Variants in DPP10 observed in about 807,000 individuals in gnomAD.
DPP10 encodes inactive dipeptidyl peptidase 10.
Under a neutral mutation model 120.9 loss-of-function variants are expected in DPP10, and 33 were observed. The ratio of observed to expected loss-of-function variants is 0.27; its 90% CI spans 0.21 to 0.37. The LOEUF is 0.37. Ranked by LOEUF, DPP10 falls within the 10% of genes least tolerant of loss-of-function variation. The pLI is 1.00. For synonymous variants in DPP10, 337 were observed against 326.1 expected (o/e 1.03, Z -0.36); for missense variants, 816 against 942.8 (o/e 0.87, Z 1.76).
chr2:115,738,925 G>T (rs1237339848), intron 8 of DPP10, among the ~76,000 whole-genome samples: 1 of 152,072 alleles, frequency 6.6e-6, no homozygotes, highest in Non-Finnish European at 1.5e-5. Flanking sequence ...TGAGGTTAAG[G>T]GGTAGGAAAA....
At chr2:114,459,556 A>C (rs747771379) in intron 1 of DPP10, among the ~76,000 whole-genome samples, 6 of 152,152 alleles carry the variant, frequency 3.9e-5, no homozygotes, top group Non-Finnish European at 7.4e-5. Flanking sequence ...ATACATGCAA[A>C]GCTGATGGGG....
At chr2:115,766,153 C>T (rs941898074) in intron 12 of DPP10, among the ~76,000 whole-genome samples, 3 of 151,502 alleles carry the variant, frequency 2.0e-5, no homozygotes, top group African/African-American at 7.3e-5. Flanking sequence ...TACATACATA[C>T]ATACATAAGT....
At position 114,899,840 on chromosome 2, in the gene DPP10, G is replaced by A. The variant is rs1374009520; in HGVS notation, c.61-409399G>A. Among the ~76,000 whole-genome samples the A allele has an allele frequency of 2.0e-5, 3 of 152,240 alleles. No individual in the cohort carries two copies. In the East Asian group the frequency reaches 5.8e-4, roughly 30 times the overall value. On this transcript the variant is annotated intron_variant, in intron 1 of 25. Coordinates refer to ENST00000410059, the MANE Select transcript of DPP10 (RefSeq NM_020868.6). ...CCGGGCTTGGTGGCGGGTGCCTGTG[G>A]TCCCAGCTACTCGGGAGGCTGAGGC...
rs551543092 is a variant in DPP10 at position 115,607,163 on chromosome 2, G to A, written c.441+81191G>A. Among the ~76,000 whole-genome samples, 42 of 152,192 alleles carry A rather than the reference G, an allele frequency of 2.8e-4. No individual in the cohort carries two copies. In the East Asian group the frequency reaches 6.4e-3, roughly 23 times the overall value. ...TTATGACTTTGTACGAATCCCTTAC[G>A]CTGTCTTAATAACTTGGATACTGAT... On this transcript the variant is annotated intron_variant, in intron 5 of 25. Transcript: ENST00000410059.
chr2:114,956,359 T>TA (rs753407989), intron 1 of DPP10, among the ~76,000 whole-genome samples: 64 of 140,858 alleles, frequency 4.5e-4, no homozygotes, highest in Non-Finnish European at 8.1e-4. Context: ...AAGAATAAAT[T>TA]TAAAAAAAAA....
At chr2:115,786,848 G>A (rs1211697972) in intron 17 of DPP10, among the ~76,000 whole-genome samples, 3 of 152,212 alleles carry the variant, frequency 2.0e-5, no homozygotes, top group South Asian at 2.1e-4. Context: ...CATGGAGAAA[G>A]ACATCTGCAT....
At chr2:115,672,710 C>CTTTCTTTCTTTCTTTCTTTCTTTCTTTT (rs10648959) in intron 5 of DPP10, among the ~76,000 whole-genome samples, 2 of 14,174 alleles carry the variant, frequency 1.4e-4, no homozygotes, top group African/African-American at 2.3e-4. Context: ...TTCTTTCTTT[C>CTTTCTTTCTTTCTTTCTTTCTTTCTTTT]TCTTTCTTTC....
At position 115,450,132 on chromosome 2, in the gene DPP10, G is replaced by A. The variant is rs771265222; in HGVS notation, c.272-49378G>A. On this transcript the variant is annotated intron_variant, in intron 3 of 25. Transcript: ENST00000410059. ...TGAGAATATCATAAGTCAAAAATGC[G>A]TTAAATACTCCCAACCTACCAAACA... Among the ~76,000 whole-genome samples the A allele has an allele frequency of 1.5e-4, 23 of 151,864 alleles. 1 individual carries two copies. Among genetic ancestry groups the A allele is most frequent in the Admixed American group, 6.6e-4 (10 of 15,204 alleles).
chr2:115,567,831 C>T (rs2081095799), intron 5 of DPP10, among the ~76,000 whole-genome samples: 1 of 152,144 alleles, frequency 6.6e-6, no homozygotes, highest in South Asian at 2.1e-4. Flanking sequence ...TGCTAGTTTC[C>T]CTTGAACTTT....
intron 19 of DPP10, among the ~76,000 whole-genome samples, chr2:115,807,749 A>G (rs1317553487): frequency 2.6e-5 from 4 of 151,990 alleles, no homozygotes; most frequent in Admixed American, 2.6e-4. Context: ...CCAAAAAAAG[A>G]TTCAATTTTA....
intron 3 of DPP10, among the ~76,000 whole-genome samples, chr2:115,354,789 G>GA (rs1242913364): frequency 2.6e-5 from 4 of 151,942 alleles, no homozygotes; most frequent in African/African-American, 9.7e-5. Flanking sequence ...TTATGAGTGA[G>GA]AACATGTGGT....
In DPP10 at chr2:115,842,491, C is replaced by A; in HGVS notation, c.*146C>A. 1 of 880,730 alleles carries A rather than the reference C, an allele frequency of 1.1e-6. No individual in the cohort carries two copies. Among genetic ancestry groups the A allele is most frequent in the Non-Finnish European group, 1.6e-6 (1 of 617,022 alleles). The allele number at this position is 880,730 out of a possible 1,614,324, so 54.6% of individuals were successfully genotyped here. On this transcript the variant is annotated 3_prime_UTR_variant, in exon 26 of 26. Coordinates refer to ENST00000410059, the MANE Select transcript of DPP10 (RefSeq NM_020868.6). ...AGCACGCTCAGAGACAGTGAACTAG[C>A]ATTTGAATACACAAGTCCAAGTCTA...
chr2:114,900,467 A>G (rs568581061), intron 1 of DPP10, among the ~76,000 whole-genome samples: 68 of 152,356 alleles, frequency 4.5e-4, no homozygotes, highest in Middle Eastern at 3.4e-3. Context: ...TGCTAAGGAA[A>G]TTGAACACAT....
At chr2:114,824,698 T>C (rs1686376329) in intron 1 of DPP10, among the ~76,000 whole-genome samples, 1 of 152,198 alleles carries the variant, frequency 6.6e-6, no homozygotes, top group Admixed American at 6.5e-5. Flanking sequence ...AATTTTGTTA[T>C]TGCTAGGAAG....
intron 1 of DPP10, among the ~76,000 whole-genome samples, chr2:115,115,240 A>C (rs2049441374): frequency 6.6e-6 from 1 of 152,040 alleles, no homozygotes. Flanking sequence ...TATTTGAGTA[A>C]ATGACTGAGC....
At chr2:115,503,482 TAAAG>T (rs2076788706) in intron 4 of DPP10, among the ~76,000 whole-genome samples, 1 of 152,176 alleles carries the variant, frequency 6.6e-6, no homozygotes, top group Admixed American at 6.5e-5. Flanking sequence ...GTAGCACAGA[TAAAG>T]AATTACTGAA....
chr2:115,375,765 C>T (rs1322595921), intron 3 of DPP10, among the ~76,000 whole-genome samples: 3 of 152,226 alleles, frequency 2.0e-5, no homozygotes, highest in East Asian at 3.8e-4. Flanking sequence ...GAGAAGCACA[C>T]GTCTTACCAT....
At chr2:114,996,025 G>T (rs1701059971) in intron 1 of DPP10, among the ~76,000 whole-genome samples, 1 of 152,180 alleles carries the variant, frequency 6.6e-6, no homozygotes, top group African/African-American at 2.4e-5. Context: ...TGAGAAGATT[G>T]CTCTGGCCCC....
intron 1 of DPP10, among the ~76,000 whole-genome samples, chr2:114,968,480 A>G (rs975028049): frequency 6.6e-6 from 1 of 152,188 alleles, no homozygotes; most frequent in Non-Finnish European, 1.5e-5. Flanking sequence ...GATGTCCAGC[A>G]TCTCAATCAG....
Sources: allele counts gnomAD v4.1 joint callset (sites outside exome capture counted in the v4.1 genomes callset), GRCh38; gene constraint gnomAD v4.1.1; transcripts MANE v1.5; gene names NCBI Gene and HGNC (gene_info 2026-07-23, HGNC 2026-07-21).